The following PPL variants were observed in gnomAD, a reference collection of about 807,000 sequenced individuals.
PPL encodes the protein 190 kDa paraneoplastic pemphigus antigen.
Under a neutral mutation model 194.4 loss-of-function variants are expected in PPL, and 198 were observed. The ratio of observed to expected loss-of-function variants is 1.02; its 90% CI spans 0.91 to 1.15. The LOEUF (loss-of-function observed/expected upper bound fraction) is 1.15, where lower values mean the gene tolerates loss of function less well. Ranked by LOEUF, PPL falls within the 50% of genes most tolerant of loss-of-function variation. The pLI is 0.00. For synonymous variants in PPL, 1,220 were observed against 972.4 expected (o/e 1.25, Z -4.74); for missense variants, 2,885 against 2,294.8 (o/e 1.26, Z -5.25).
intron 10 of PPL, 47 bp from the exon 11 acceptor site, chr16:4,895,454 C>T (rs760971696): frequency 1.2e-6 from 2 of 1,607,260 alleles, no homozygotes; most frequent in South Asian, 2.2e-5. Flanking sequence ...ACAGCCTTCC[C>T]CCTGGTGGGA....
rs774968593 is a variant in PPL at position 4,889,032 on chromosome 16, C to G, written c.2343G>C (p.Glu781Asp). The G allele has an allele frequency of 6.2e-7, 1 of 1,613,752 alleles. No individual in the cohort carries two copies. The highest frequency in any genetic ancestry group is 1.1e-5 in the South Asian group (1 of 91,062). ...KNLLDEIASR[E>D]QEVQKICANS... ...TGGCACAGATCTTCTGTACTTCCTG[C>G]TCCCTACTTGCTATCTCATCTAGCA... is the stretch of plus-strand genomic sequence containing the variant. Residue 781 changes from glutamate to aspartate, a missense_variant, in exon 19 of 22, where the codon GAG (glutamate) becomes GAC (aspartate). Transcript: ENST00000345988.
chr16:4,890,085 C>G (rs1392229633), intron 18 of PPL, 99 bp downstream of exon 18: 16 of 1,568,450 alleles, frequency 1.0e-5, no homozygotes, highest in Non-Finnish European at 1.3e-5. Flanking sequence ...CTCTGCCCTG[C>G]TCCACCTCCC....
rs2142442748 is a variant in PPL at position 4,937,071 on chromosome 16, G to A, written c.-26C>T. ...GGTGGCGCTCGGGGTGCGGGCGGCGGCGGCTGGCGGGCCGGGCGCGCACCG... is the reference window on the plus strand; with the variant it reads ...GGTGGCGCTCGGGGTGCGGGCGGCGACGGCTGGCGGGCCGGGCGCGCACCG... On this transcript the variant is annotated 5_prime_UTR_variant, in exon 1 of 22. Transcript: ENST00000345988. The A allele has an allele frequency of 3.0e-6, 4 of 1,354,726 alleles. No homozygotes were observed. The highest frequency in any genetic ancestry group is 3.0e-5 in the African/African-American group (2 of 66,870). The allele number at this position is 1,354,726 out of a possible 1,614,324, so 83.9% of individuals were successfully genotyped here.
intron 1 of PPL, among the ~76,000 whole-genome samples, chr16:4,919,062 C>T (rs931192638): frequency 6.6e-6 from 1 of 152,214 alleles, no homozygotes; most frequent in African/African-American, 2.4e-5. Context: ...CAAAGATATC[C>T]CCCCTCCCCA....
At chr16:4,907,068 G>C (rs1462522144) in intron 2 of PPL, among the ~76,000 whole-genome samples, 4 of 117,486 alleles carry the variant, frequency 3.4e-5, no homozygotes, top group African/African-American at 9.7e-5. Context: ...AATATAGTGA[G>C]ACCCTATCTC....
chr16:4,913,143 C>T (rs1412632210), intron 1 of PPL, among the ~76,000 whole-genome samples: 1 of 151,918 alleles, frequency 6.6e-6, no homozygotes, highest in African/African-American at 2.4e-5. Context: ...GTCTTGAAAG[C>T]AGACTGGCCC....
chr16:4,912,862 G>T (rs1354399468), intron 1 of PPL, among the ~76,000 whole-genome samples: 1 of 152,202 alleles, frequency 6.6e-6, no homozygotes, highest in Non-Finnish European at 1.5e-5. Flanking sequence ...CCAGCACTTT[G>T]GGAGGCCAAG....
chr16:4,886,536 G>C (rs1164141223), intron 21 of PPL, among the ~76,000 whole-genome samples: 1 of 152,246 alleles, frequency 6.6e-6, no homozygotes. Context: ...GATGAAGAGT[G>C]AACTGCTTCC....
In PPL at chr16:4,893,193, T is replaced by A; in HGVS notation, c.1650+20A>T. The A allele has an allele frequency of 6.6e-7, 1 of 1,526,566 alleles. No homozygotes were observed. The highest frequency in any genetic ancestry group is 8.8e-7 in the Non-Finnish European group (1 of 1,136,998). 94.6% of individuals were successfully genotyped at this position (1,526,566 alleles called of 1,614,324 possible). A position where few individuals can be genotyped will look rare whatever the true frequency, so the allele number is the denominator to read the frequency against. ...TGCAGGGCTCCCCCGGCCCCACCTG[T>A]GCTCCTGACCCGCAGGTACCTTGAG... On this transcript the variant is annotated intron_variant, in intron 14 of 21. Transcript: ENST00000345988.
Position 4,902,612 on chromosome 16 carries a change from A to C in PPL, c.318-86T>G. On this transcript the variant is annotated intron_variant, in intron 3 of 21. Transcript: ENST00000345988. The surrounding 1 kb of genome is among the most constrained non-coding windows in gnomAD (Gnocchi z 4.0). ...GGCCCCCCACCCAGACCCCGGCCTCAGTGTCCTGGAAGGACACAGTGACCA... is the reference window on the plus strand; with the variant it reads ...GGCCCCCCACCCAGACCCCGGCCTCCGTGTCCTGGAAGGACACAGTGACCA... The C allele has an allele frequency of 1.3e-6, 2 of 1,500,736 alleles. No homozygotes were observed. The highest frequency in any genetic ancestry group is 1.8e-6 in the Non-Finnish European group (2 of 1,106,414). 93.0% of individuals were successfully genotyped at this position (1,500,736 alleles called of 1,614,324 possible).
rs202015897 is a variant in PPL at position 4,892,171 on chromosome 16, G to C, written c.1693C>G (p.Arg565Gly). ...ELLRIEPEKT[R>G]STAEGEAFIQ... Reference sequence around the variant, plus strand: ...AAGGCTTCGCCCTCAGCCGTGCTCCGCGTCTTCTCAGGTTCAATCCGCAGT... The same window carrying C: ...AAGGCTTCGCCCTCAGCCGTGCTCCCCGTCTTCTCAGGTTCAATCCGCAGT... Residue 565 changes from arginine to glycine, a missense_variant, in exon 15 of 22, where the codon CGG (arginine) becomes GGG (glycine). By Grantham distance (125) the Arg-to-Gly change is moderately radical. Transcript: ENST00000345988. 6.2e-7 allele frequency: 1 copy of C among 1,613,738 alleles called. No individual in the cohort carries two copies. Among genetic ancestry groups the C allele is most frequent in the Non-Finnish European group, 8.5e-7 (1 of 1,179,976 alleles).
At chr16:4,894,794 C>T (rs1026868057) in intron 11 of PPL, among the ~76,000 whole-genome samples, 176 bp from the exon 12 acceptor site, 9 of 152,214 alleles carry the variant, frequency 5.9e-5, no homozygotes, top group African/African-American at 7.2e-5. Context: ...GCTGCCGGCC[C>T]AGCAACCCAC....
Position 4,884,199 on chromosome 16 carries a change from T to G in PPL, c.4456A>C (p.Lys1486Gln). ...TCCGCCTTCTCCAGTGCAGCCAGTT[T>G]CCTCCGGAGGGTCTCGAGCTCCCCC... ...LEGELETLRR[K>Q]LAALEKAEVK... Residue 1486 changes from lysine to glutamine, a missense_variant, in exon 22 of 22, where the codon AAA becomes CAA. By Grantham distance (53) the Lys-to-Gln change is moderately conservative. Coordinates refer to ENST00000345988, the MANE Select transcript of PPL (RefSeq NM_002705.5). The surrounding 1 kb of genome is among the most constrained non-coding windows in gnomAD (Gnocchi z 5.7). 3 of 1,613,902 alleles carry G rather than the reference T, an allele frequency of 1.9e-6. No homozygotes were observed. In the South Asian group the frequency reaches 3.3e-5, roughly 18 times the overall value.
chr16:4,893,709 G>A (rs2088365091), intron 12 of PPL, 71 bp from the exon 13 acceptor site: 10 of 1,330,608 alleles, frequency 7.5e-6, no homozygotes, highest in South Asian at 2.6e-5. Flanking sequence ...GCGGGACTGC[G>A]GACTCTGGCT....
At chr16:4,933,205 G>A (rs1166714162) in intron 1 of PPL, among the ~76,000 whole-genome samples, 2 of 151,960 alleles carry the variant, frequency 1.3e-5, no homozygotes, top group Non-Finnish European at 2.9e-5. Flanking sequence ...GAGGCTCAGG[G>A]TACCCCAGGT....
In PPL at chr16:4,891,813, C is replaced by G. The variant is rs2088323751; in HGVS notation, c.1966G>C (p.Ala656Pro). The change falls in exon 16 of 22, where the codon GCG becomes CCG. Residue 656 changes from alanine (A) to proline (P), a missense_variant and splice_region_variant. Ala to Pro is a conservative substitution (Grantham distance 27). Coordinates refer to ENST00000345988, the MANE Select transcript of PPL (RefSeq NM_002705.5). ...CAGGACTTGGGCCCTAGACTCACCG[C>G]CAGCTCCTGCCCCTTGCTGTCCAGG... is the stretch of plus-strand genomic sequence containing the variant. ...RVLDSKGQEL[A>P]AMACELQAQK... 4 of 1,609,094 alleles carry G rather than the reference C, an allele frequency of 2.5e-6. No individual in the cohort carries two copies. The highest frequency in any genetic ancestry group is 2.2e-5 in the East Asian group (1 of 44,870).
chr16:4,912,837 C>T (rs1482410985), intron 1 of PPL, among the ~76,000 whole-genome samples: 2 of 152,238 alleles, frequency 1.3e-5, no homozygotes, highest in South Asian at 4.1e-4. Flanking sequence ...GGTGTGGTGG[C>T]TCATACCTGT....
At position 4,904,037 on chromosome 16, in the gene PPL, G is replaced by C. The variant is rs773754342; in HGVS notation, c.166C>G (p.Leu56Val). 15 of 1,611,144 alleles carry C rather than the reference G, an allele frequency of 9.3e-6. No individual in the cohort carries two copies. Among genetic ancestry groups the C allele is most frequent in the Middle Eastern group, 1.6e-4 (1 of 6,062 alleles). Reference protein sequence around the residue: ...VDTEAKMQSDLARLQEGRQPE... With the variant: ...VDTEAKMQSDVARLQEGRQPE... ...TGCCGACCCTCCTGCAGCCGAGCCAGGTCCTGTGAGGGTCACAAGAGAGGG... is the reference window on the plus strand; with the variant it reads ...TGCCGACCCTCCTGCAGCCGAGCCACGTCCTGTGAGGGTCACAAGAGAGGG... The change falls in exon 3 of 22, where the codon CTG (leucine) becomes GTG (valine). Residue 56 changes from leucine to valine, a missense_variant. Transcript: ENST00000345988.
chr16:4,915,562 C>T (rs2088901103), intron 1 of PPL, among the ~76,000 whole-genome samples: 1 of 152,230 alleles, frequency 6.6e-6, no homozygotes, highest in South Asian at 2.1e-4. Context: ...CATCAAAGCA[C>T]TTGCTCAGGG....
Sources: allele counts gnomAD v4.1 joint callset (sites outside exome capture counted in the v4.1 genomes callset), GRCh38; gene constraint gnomAD v4.1.1; non-coding constraint Gnocchi (gnomAD v3.1); transcripts MANE v1.5; gene names NCBI Gene and HGNC (gene_info 2026-07-23, HGNC 2026-07-21).